TMEM185A: variants seen among roughly 807,000 people sequenced by gnomAD.
TMEM185A encodes the protein transmembrane protein 185A, also known as family with sequence similarity 11, member A.
Under a neutral mutation model 25.0 loss-of-function variants are expected in TMEM185A, and 9 were observed. The observed-to-expected ratio is 0.36, with a 90% CI of 0.22 to 0.63. The LOEUF is 0.63. Ranked by LOEUF, TMEM185A falls within the 20% of genes least tolerant of loss-of-function variation. TMEM185A has a pLI of 0.68. For synonymous variants in TMEM185A, 45 were observed against 93.5 expected, an observed-to-expected ratio of 0.48 and a Z score of 2.99; for missense variants, 103 against 237.4, an observed-to-expected ratio of 0.43 and a Z score of 3.72.
chrX:149,631,435 G>T, intron 1 of TMEM185A, 108 bp downstream of exon 1: 1 of 953,611 alleles, frequency 1.0e-6, no homozygotes, highest in Non-Finnish European at 1.4e-6. Context: ...AGGCGCCCGG[G>T]TCCTCGGGCT....
At chrX:149,609,997 A>G (rs2090073514) in intron 2 of TMEM185A, among the ~76,000 whole-genome samples, 2 of 111,999 alleles carry the variant, frequency 1.8e-5, no homozygotes, top group South Asian at 7.5e-4. Context: ...AAAATCTAAG[A>G]ACTCTGAAAC....
chrX:149,619,993 G>A (rs2090131820), intron 1 of TMEM185A, among the ~76,000 whole-genome samples: 1 of 111,546 alleles, frequency 9.0e-6, no homozygotes, highest in African/African-American at 3.3e-5. Context: ...AACAACAGGT[G>A]CTGGAGAGGA....
chrX:149,625,095 T>C (rs781831653), intron 1 of TMEM185A, among the ~76,000 whole-genome samples: 1 of 112,649 alleles, frequency 8.9e-6, no homozygotes, highest in South Asian at 3.7e-4. Context: ...TCTCCACTTA[T>C]AAAGCATCTA....
intron 2 of TMEM185A, among the ~76,000 whole-genome samples, chrX:149,610,511 G>A (rs1409601286): frequency 1.5e-4 from 16 of 108,130 alleles, no homozygotes; most frequent in African/African-American, 5.4e-4. Context: ...TGCCTTCTGG[G>A]AATTCCTGTA....
chrX:149,612,423 C>T (rs950821400), intron 1 of TMEM185A, among the ~76,000 whole-genome samples: 5 of 112,098 alleles, frequency 4.5e-5, no homozygotes, highest in African/African-American at 6.5e-5. Flanking sequence ...GTAAGCAAGA[C>T]AACTATATGC....
At chrX:149,616,218 C>T (rs2090109618) in intron 1 of TMEM185A, among the ~76,000 whole-genome samples, 1 of 112,392 alleles carries the variant, frequency 8.9e-6, no homozygotes, top group Non-Finnish European at 1.9e-5. Flanking sequence ...GAGACATATA[C>T]TGTGTTCATA....
Position 149,605,357 on chromosome X carries a change from GGCCTCCCATGTCACTTTCTATA to G in TMEM185A, c.424-1309_424-1288del, listed in dbSNP as rs1557353174. On this transcript the variant is annotated intron_variant, in intron 3 of 6. Transcript: ENST00000600449. ...TATGGCCTCCCATGTCACTTTCTAT[GGCCTCCCATGTCACTTTCTATA>G]GCCTCCCATGTCACTTTCTATAGCC... is the stretch of plus-strand genomic sequence containing the variant. Among the ~76,000 whole-genome samples the G allele has an allele frequency of 3.6e-3, 234 of 65,474 alleles. 4 individuals are homozygous for G. The highest frequency in any genetic ancestry group is 0.027 in the East Asian group (49 of 1,808). 56.9% of individuals were successfully genotyped at this position (65,474 alleles called of 115,157 possible). A position where few individuals can be genotyped will look rare whatever the true frequency, so the allele number is the denominator to read the frequency against.
chrX:149,620,464 C>T (rs1231378069), intron 1 of TMEM185A, among the ~76,000 whole-genome samples: 1 of 111,858 alleles, frequency 8.9e-6, no homozygotes. Flanking sequence ...TATTTTTCTG[C>T]TTTATCAAGG....
chrX:149,602,881 C>A (rs1193972875), intron 4 of TMEM185A, among the ~76,000 whole-genome samples: 2 of 112,120 alleles, frequency 1.8e-5, no homozygotes, highest in African/African-American at 6.5e-5. Flanking sequence ...TGATTATTCC[C>A]ATCTTTAAAT....
intron 4 of TMEM185A, among the ~76,000 whole-genome samples, chrX:149,602,740 T>C (rs944731202): frequency 2.7e-5 from 3 of 112,572 alleles, no homozygotes; most frequent in Non-Finnish European, 5.6e-5. Context: ...TTTAGATATG[T>C]TTCCTTCACG....
intron 3 of TMEM185A, among the ~76,000 whole-genome samples, chrX:149,604,599 T>A (rs1443508768): frequency 9.0e-6 from 1 of 110,623 alleles, no homozygotes; most frequent in Non-Finnish European, 1.9e-5. Context: ...TCCTTCTCAT[T>A]AAAAACAAAA....
In TMEM185A at chrX:149,599,119, C is replaced by T. The variant is rs1271184669; in HGVS notation, c.808+435G>A. Among the ~76,000 whole-genome samples the T allele has an allele frequency of 7.5e-5, 7 of 92,904 alleles. 1 individual carries two copies. Among genetic ancestry groups the T allele is most frequent in the Non-Finnish European group, 1.2e-4 (6 of 49,601 alleles). 80.7% of individuals were successfully genotyped at this position (92,904 alleles called of 115,157 possible). ...TAGAGTGTTAGCAAGGCAAGACAGG[C>T]AAGACTCGGGTGATGGCAGCAAGGA... On this transcript the variant is annotated intron_variant, in intron 6 of 6. Coordinates refer to ENST00000600449, the MANE Select transcript of TMEM185A (RefSeq NM_032508.4).
At chrX:149,627,106 G>T (rs781788518) in intron 1 of TMEM185A, among the ~76,000 whole-genome samples, 2 of 111,497 alleles carry the variant, frequency 1.8e-5, no homozygotes, top group East Asian at 2.8e-4. Context: ...CGGGCTGGGG[G>T]GTGGTAAGGT....
chrX:149,608,334 T>TC (rs1248578792), intron 3 of TMEM185A: 3 of 106,601 alleles, frequency 2.8e-5, no homozygotes, highest in African/African-American at 1.1e-4. Context: ...GAAAACATTC[T>TC]TTTTTTTTTT....
intron 4 of TMEM185A, chrX:149,601,583 T>C (rs1419174829): frequency 1.0e-5 from 1 of 98,264 alleles, no homozygotes; most frequent in Non-Finnish European, 2.0e-5. Flanking sequence ...ATCCAAGTTG[T>C]TCCCTCCCTG....
At chrX:149,620,346 CA>C (rs1438135713) in intron 1 of TMEM185A, among the ~76,000 whole-genome samples, 1 of 112,403 alleles carries the variant, frequency 8.9e-6, no homozygotes, top group African/African-American at 3.2e-5. Flanking sequence ...TTCCTTGAGT[CA>C]ACCATTGCAC....
intron 3 of TMEM185A, 183 bp downstream of exon 3, chrX:149,608,444 C>T: frequency 2.4e-6 from 1 of 422,283 alleles, no homozygotes; most frequent in Non-Finnish European, 4.1e-6. Context: ...GATTCTCCCG[C>T]CTCAGCCTCC....
rs1557354475 is a variant in TMEM185A at position 149,611,394 on chromosome X, T to C, written c.108A>G (p.Ile36Met). The C allele has an allele frequency of 5.0e-6, 6 of 1,211,394 alleles. No individual in the cohort carries two copies. The highest frequency in any genetic ancestry group is 3.4e-6 in the Non-Finnish European group (3 of 895,320). ...VLLALRLDGI[I>M]QWSYWAVFAP... ...CAAAGACAGCCCAGTAACTCCACTG[T>C]ATGATGCCATCCAAACGAAGGGCCA... The change falls in exon 2 of 7, where the codon ATA becomes ATG. Residue 36 changes from isoleucine to methionine, a missense_variant. By Grantham distance (10) the Ile-to-Met change is conservative. Coordinates refer to ENST00000600449, the MANE Select transcript of TMEM185A (RefSeq NM_032508.4).
Position 149,612,557 on chromosome X carries a change from T to C in TMEM185A, c.39-1094A>G, listed in dbSNP as rs186295613. On this transcript the variant is annotated intron_variant, in intron 1 of 6. Coordinates refer to ENST00000600449, the MANE Select transcript of TMEM185A (RefSeq NM_032508.4). Reference sequence around the variant, plus strand: ...AAGCTGGAATGACTATATTAATATCTGTTTAGTCTTCCATTGCTGCTGTAA... The same window carrying C: ...AAGCTGGAATGACTATATTAATATCCGTTTAGTCTTCCATTGCTGCTGTAA... Among the ~76,000 whole-genome samples, 922 of 112,749 alleles carry C rather than the reference T, an allele frequency of 8.2e-3. 8 individuals carry two copies. Among genetic ancestry groups the C allele is most frequent in the Middle Eastern group, 0.014 (3 of 217 alleles).
Sources: allele counts gnomAD v4.1 joint callset (sites outside exome capture counted in the v4.1 genomes callset), GRCh38; gene constraint gnomAD v4.1.1; transcripts MANE v1.5; gene names NCBI Gene and HGNC (gene_info 2026-07-23, HGNC 2026-07-21).